Variants in CDH4 observed in about 807,000 individuals in gnomAD.
CDH4 encodes cadherin 4.
CDH4 carries 33 observed loss-of-function variants against 86.0 expected under a neutral mutation model. The ratio of observed to expected loss-of-function variants is 0.38; its 90% CI spans 0.29 to 0.51. CDH4 has a LOEUF of 0.51. Among genes scored for constraint, CDH4 ranks in the 20% least tolerant of loss-of-function variants. CDH4 has a pLI of 0.86. For synonymous variants in CDH4, 555 were observed against 549.4 expected, an observed-to-expected ratio of 1.01 and a Z score of -0.14; for missense variants, 1,114 against 1,307.4, an observed-to-expected ratio of 0.85 and a Z score of 2.28.
chr20:61,264,403 G>A (rs2084144881), intron 2 of CDH4, among the ~76,000 whole-genome samples: 2 of 150,994 alleles, frequency 1.3e-5, no homozygotes, highest in Admixed American at 1.3e-4. Context: ...TACCTCAGTG[G>A]CTCCTTCATT....
At chr20:61,905,074 T>C (rs2054774364) in intron 8 of CDH4, among the ~76,000 whole-genome samples, 1 of 152,212 alleles carries the variant, frequency 6.6e-6, no homozygotes, top group African/African-American at 2.4e-5. Flanking sequence ...GGGTGCACAG[T>C]TGAATTCTAG....
At chr20:61,592,165 G>T (rs941632901) in intron 2 of CDH4, among the ~76,000 whole-genome samples, 1 of 151,904 alleles carries the variant, frequency 6.6e-6, no homozygotes, top group Non-Finnish European at 1.5e-5. Flanking sequence ...CATTTACTTT[G>T]GTGTGAGTTT....
At chr20:61,935,918 C>CTGTT (rs1227160291) in intron 15 of CDH4, among the ~76,000 whole-genome samples, 6 of 152,144 alleles carry the variant, frequency 3.9e-5, no homozygotes, top group South Asian at 2.1e-4. Context: ...ATAAAGCCCA[C>CTGTT]TGTTAGATAG....
rs1568700954 is a variant in CDH4, at chr20:61,590,878, G to GGA, written c.170-152684_170-152683insAG. On this transcript the variant is annotated intron_variant, in intron 2 of 15. Transcript: ENST00000614565. ...AAGCCTTGTCTTCCCTAAATCTATGGGGGGGGGGGTCCCCGGGTCTCCAGG... is the reference window on the plus strand; with the variant it reads ...AAGCCTTGTCTTCCCTAAATCTATGGGAGGGGGGGGGTCCCCGGGTCTCCAGG... Among the ~76,000 whole-genome samples the GGA allele has an allele frequency of 2.1e-3, 126 of 59,892 alleles. 2 individuals carry two copies. Among genetic ancestry groups the GGA allele is most frequent in the Admixed American group, 8.9e-3 (49 of 5,478 alleles). 39.3% of individuals were successfully genotyped at this position (59,892 alleles called of 152,430 possible).
intron 2 of CDH4, among the ~76,000 whole-genome samples, chr20:61,540,400 A>G (rs998208601): frequency 1.3e-5 from 2 of 152,176 alleles, no homozygotes; most frequent in African/African-American, 4.8e-5. Context: ...GAAAGGGATG[A>G]CCTCACATGA....
chr20:61,813,012 A>G lies in CDH4; in HGVS notation c.577-31656A>G, dbSNP rs533115746. 2.0e-5 allele frequency among the ~76,000 whole-genome samples: 3 copies of G among 152,358 alleles called. No individual in the cohort carries two copies. In the South Asian group the frequency reaches 6.2e-4, roughly 32 times the overall value. On this transcript the variant is annotated intron_variant, in intron 4 of 15. Transcript: ENST00000614565. ...GCCCTGCCGAGGCTCTCCGGGCCGC[A>G]GGGCTGGGAGTCTCCACGCACACAT...
chr20:61,885,735 C>A (rs1351375645), intron 7 of CDH4, among the ~76,000 whole-genome samples: 1 of 152,226 alleles, frequency 6.6e-6, no homozygotes, highest in African/African-American at 2.4e-5. Context: ...ACTCCCTCCT[C>A]CCACAGCATC....
intron 2 of CDH4, among the ~76,000 whole-genome samples, chr20:61,425,508 C>T (rs908296713): frequency 1.8e-4 from 28 of 152,222 alleles, no homozygotes; most frequent in Non-Finnish European, 2.6e-4. Context: ...AGGACGTGGG[C>T]TCTGAGGTCG....
intron 2 of CDH4, among the ~76,000 whole-genome samples, chr20:61,624,809 G>A (rs894947770): frequency 6.6e-6 from 1 of 152,214 alleles, no homozygotes; most frequent in Admixed American, 6.5e-5. Flanking sequence ...CTGAGCTCTA[G>A]GGAGCCGACG....
intron 4 of CDH4, among the ~76,000 whole-genome samples, chr20:61,803,308 C>CTCT (rs752463455): frequency 4.1e-4 from 62 of 152,176 alleles, no homozygotes; most frequent in Non-Finnish European, 7.5e-4. Flanking sequence ...GAAGTGCGGC[C>CTCT]AGAGAGGCTG....
At chr20:61,329,864 A>G (rs1428481604) in intron 2 of CDH4, among the ~76,000 whole-genome samples, 4 of 59,574 alleles carry the variant, frequency 6.7e-5, no homozygotes, top group Non-Finnish European at 1.3e-4. Flanking sequence ...ATCCCCCGAC[A>G]GGCCCCAGTG....
intron 2 of CDH4, among the ~76,000 whole-genome samples, chr20:61,691,510 A>G (rs901807298): frequency 1.3e-5 from 2 of 152,134 alleles, no homozygotes; most frequent in Admixed American, 1.3e-4. Context: ...AGGGACATAT[A>G]TGTACAGTCA....
intron 2 of CDH4, among the ~76,000 whole-genome samples, chr20:61,650,999 C>T (rs943674946): frequency 1.3e-5 from 2 of 152,258 alleles, no homozygotes; most frequent in African/African-American, 2.4e-5. Flanking sequence ...GCACAGAGGG[C>T]ACTGGTGTGC....
rs2084524371 is a variant in CDH4 at position 61,324,121 on chromosome 20, G to A, written c.169+69184G>A. ...TGGGAGTGTGTGCGATACTGAGTAG[G>A]GACCCAGATCGTCCAAATGTGGTCC... On this transcript the variant is annotated intron_variant, in intron 2 of 15. Coordinates refer to ENST00000614565, the MANE Select transcript of CDH4 (RefSeq NM_001794.5). Among the ~76,000 whole-genome samples, 9 of 152,230 alleles carry A rather than the reference G, an allele frequency of 5.9e-5. No homozygotes were observed. In the South Asian group the frequency reaches 1.9e-3, roughly 32 times the overall value.
chr20:61,452,149 C>T (rs1158562285), intron 2 of CDH4, among the ~76,000 whole-genome samples: 3 of 152,154 alleles, frequency 2.0e-5, no homozygotes, highest in Admixed American at 1.3e-4. Context: ...GAGGCTTGTG[C>T]TCAGGTTGTA....
chr20:61,343,760 T>C (rs7269861), intron 2 of CDH4, among the ~76,000 whole-genome samples: 5,206 of 152,248 alleles, frequency 0.034, 223 homozygotes, highest in African/African-American at 0.095. Context: ...TAGAGCACTT[T>C]TCCCGGCTCA....
chr20:61,333,268 C>CACACACACACATGT (rs2084594780), intron 2 of CDH4, among the ~76,000 whole-genome samples: 1 of 30,974 alleles, frequency 3.2e-5, no homozygotes, highest in Non-Finnish European at 7.4e-5. Flanking sequence ...CACATGTACA[C>CACACACACACATGT]ACACACACAC....
intron 2 of CDH4, among the ~76,000 whole-genome samples, chr20:61,423,015 A>T (rs2085188754): frequency 6.6e-6 from 1 of 152,190 alleles, no homozygotes; most frequent in Non-Finnish European, 1.5e-5. Flanking sequence ...TGGAGAGGTC[A>T]GAAGGTCAGA....
intron 4 of CDH4, among the ~76,000 whole-genome samples, chr20:61,813,730 C>CA (rs1980560170): frequency 1.3e-5 from 2 of 152,154 alleles, no homozygotes; most frequent in Admixed American, 1.3e-4. Flanking sequence ...TTTATTTTCT[C>CA]ACCTTGTTCC....
Sources: allele counts gnomAD v4.1 joint callset (sites outside exome capture counted in the v4.1 genomes callset), GRCh38; gene constraint gnomAD v4.1.1; transcripts MANE v1.5; gene names NCBI Gene and HGNC (gene_info 2026-07-23, HGNC 2026-07-21).